Variants in ANKRD30B observed in about 807,000 individuals in gnomAD.
ANKRD30B encodes the protein ankyrin repeat domain 30B, also known as ankyrin repeat domain-containing protein 30B.
ANKRD30B carries 144 observed loss-of-function variants against 202.2 expected under a neutral mutation model. The ratio of observed to expected loss-of-function variants is 0.71; its 90% CI spans 0.62 to 0.82. The LOEUF (loss-of-function observed/expected upper bound fraction) is 0.82, where lower values mean the gene tolerates loss of function less well. Among genes scored for constraint, ANKRD30B ranks in the 40% least tolerant of loss-of-function variants. The probability of loss-of-function intolerance (pLI) is 0.00; values close to 1 mark genes in which losing one functional copy is unlikely to be tolerated. For synonymous variants in ANKRD30B, 508 were observed against 561.3 expected, an observed-to-expected ratio of 0.91 and a Z score of 1.34; for missense variants, 1,487 against 1,669.1, an observed-to-expected ratio of 0.89 and a Z score of 1.90.
At position 14,837,362 on chromosome 18, in the gene ANKRD30B, T is replaced by G. The variant is rs1224127720; in HGVS notation, c.2926+73T>G. 9 of 1,325,988 alleles carry G rather than the reference T, an allele frequency of 6.8e-6. No homozygotes were observed. In the Admixed American group the frequency reaches 2.1e-4, roughly 30 times the overall value. The allele number at this position is 1,325,988 out of a possible 1,614,324, so 82.1% of individuals were successfully genotyped here. ...TAGTGAATATCTCTGAAAATTTTTCTATGTTTAAATGCTGTTATATAGAAA... is the reference window on the plus strand; with the variant it reads ...TAGTGAATATCTCTGAAAATTTTTCGATGTTTAAATGCTGTTATATAGAAA... On this transcript the variant is annotated intron_variant, in intron 35 of 43. Coordinates refer to ENST00000690538, the MANE Select transcript of ANKRD30B (RefSeq NM_001367607.2).
intron 34 of ANKRD30B, among the ~76,000 whole-genome samples, chr18:14,833,226 G>A (rs1298319678): frequency 9.2e-5 from 14 of 151,380 alleles, no homozygotes; most frequent in Admixed American, 2.6e-4. Flanking sequence ...GAGAACCACC[G>A]CGTCCAGCCG....
chr18:14,800,607 A>G (rs1487139143), intron 22 of ANKRD30B, among the ~76,000 whole-genome samples: 1 of 150,354 alleles, frequency 6.7e-6, no homozygotes, highest in Non-Finnish European at 1.5e-5. Flanking sequence ...TAGAGGCGTG[A>G]GCCACCGCGC....
At chr18:14,890,141 A>G in the ANKRD30B span, 26 of 785,832 alleles carry the variant, frequency 3.3e-5, no homozygotes, top group Admixed American at 1.9e-4. Flanking sequence ...AGCTTTGCCA[A>G]TGATCCATGA....
intron 10 of ANKRD30B, 127 bp from the exon 11 acceptor site, chr18:14,779,833 A>T (rs1967605487): frequency 1.7e-6 from 1 of 596,476 alleles, no homozygotes; most frequent in South Asian, 2.6e-5. Flanking sequence ...GGTGGTTGTT[A>T]TTCAATAGAA....
chr18:14,750,587 A>C (rs1428284114), intron 1 of ANKRD30B, among the ~76,000 whole-genome samples: 1 of 152,160 alleles, frequency 6.6e-6, no homozygotes, highest in African/African-American at 2.4e-5. Flanking sequence ...CCATTCTATT[A>C]TACTAAAATA....
At chr18:14,817,396 G>A (rs1970171271) in intron 30 of ANKRD30B, among the ~76,000 whole-genome samples, 3 of 152,196 alleles carry the variant, frequency 2.0e-5, no homozygotes, top group Admixed American at 2.0e-4. Context: ...AATAACAAAG[G>A]CAGTATTCCC....
At chr18:14,749,742 G>A (rs1355204503) in intron 1 of ANKRD30B, among the ~76,000 whole-genome samples, 4 of 143,474 alleles carry the variant, frequency 2.8e-5, no homozygotes, top group Non-Finnish European at 6.1e-5. Context: ...ACAGGTAAAT[G>A]AATACAACAG....
At chr18:14,895,627 T>C in the ANKRD30B span, among the ~76,000 whole-genome samples, 10 of 152,146 alleles carry the variant, frequency 6.6e-5, no homozygotes, top group Non-Finnish European at 1.3e-4. Flanking sequence ...AACCAACATA[T>C]CCAATAGGTA....
chr18:14,848,282 G>A (rs1568074010), intron 39 of ANKRD30B, among the ~76,000 whole-genome samples: 1 of 151,982 alleles, frequency 6.6e-6, no homozygotes, highest in Non-Finnish European at 1.5e-5. Context: ...AATACCTGTT[G>A]TTCTCTCTTG....
rs1970543826 is a variant in ANKRD30B at position 14,823,592 on chromosome 18, G to A, written c.2743+915G>A. Among the ~76,000 whole-genome samples the A allele has an allele frequency of 9.9e-5, 15 of 152,152 alleles. No homozygotes were observed. The South Asian group carries it at 3.1e-3, about 32-fold the overall frequency. ...CGTGACTCTAAAGCACTTGGCCTTA[G>A]TATCTTTTTATGCTACTGTAATTAA... is the stretch of plus-strand genomic sequence containing the variant. On this transcript the variant is annotated intron_variant, in intron 32 of 43. Coordinates refer to ENST00000690538, the MANE Select transcript of ANKRD30B (RefSeq NM_001367607.2).
intron 18 of ANKRD30B, 144 bp downstream of exon 18, chr18:14,796,559 T>C: frequency 8.6e-7 from 1 of 1,160,358 alleles, no homozygotes; most frequent in Non-Finnish European, 1.2e-6. Flanking sequence ...TTAGCATTTA[T>C]GTTTGAGAAA....
At chr18:14,931,903 C>T in the ANKRD30B span, among the ~76,000 whole-genome samples, 16 of 144,386 alleles carry the variant, frequency 1.1e-4, no homozygotes, top group South Asian at 2.2e-4. Flanking sequence ...TGTCCCAGGC[C>T]CCCCACCCCA....
the ANKRD30B span, among the ~76,000 whole-genome samples, chr18:14,912,534 G>A: frequency 6.6e-6 from 1 of 152,098 alleles, no homozygotes; most frequent in East Asian, 1.9e-4. Context: ...TTTTTGTTGA[G>A]CATGTTGTGT....
intron 36 of ANKRD30B, 85 bp downstream of exon 36, chr18:14,837,761 C>G (rs1971240780): frequency 8.2e-7 from 1 of 1,222,870 alleles, no homozygotes; most frequent in Non-Finnish European, 1.1e-6. Flanking sequence ...ACTTTATTCT[C>G]TCACCTCTGA....
the ANKRD30B span, among the ~76,000 whole-genome samples, chr18:14,906,944 A>G: frequency 6.6e-6 from 1 of 152,098 alleles, no homozygotes; most frequent in African/African-American, 2.4e-5. Flanking sequence ...TCCAGGTTAT[A>G]GGTAGATTCA....
chr18:14,935,499 C>T, the ANKRD30B span, among the ~76,000 whole-genome samples: 1 of 152,218 alleles, frequency 6.6e-6, no homozygotes, highest in Non-Finnish European at 1.5e-5. Context: ...CTACGGTGGG[C>T]CTGACACCTG....
chr18:14,781,325 C>T (rs1251595333), intron 11 of ANKRD30B, among the ~76,000 whole-genome samples: 6 of 30,404 alleles, frequency 2.0e-4, no homozygotes, highest in Non-Finnish European at 2.5e-4. Flanking sequence ...GACAGAGTTT[C>T]GCTCAGTCGC....
the ANKRD30B span, among the ~76,000 whole-genome samples, chr18:14,920,005 C>T: frequency 6.6e-6 from 1 of 152,178 alleles, no homozygotes; most frequent in Admixed American, 6.5e-5. Flanking sequence ...TCCACAGGCT[C>T]AGCCACTTGA....
intron 32 of ANKRD30B, among the ~76,000 whole-genome samples, 178 bp downstream of exon 32, chr18:14,822,855 T>A (rs1970491926): frequency 6.7e-6 from 1 of 150,100 alleles, no homozygotes; most frequent in Non-Finnish European, 1.5e-5. Context: ...AGCGTAAGAT[T>A]TAGAGATTTA....
Sources: gnomAD v4.1 joint callset for allele counts (sites outside exome capture counted in the v4.1 genomes callset) on GRCh38, gnomAD v4.1.1 for gene constraint, MANE v1.5 for transcripts, NCBI Gene and HGNC (gene_info 2026-07-23, HGNC 2026-07-21) for gene names.